Variants in LARGE1 observed in about 807,000 individuals in gnomAD.
LARGE1 encodes the protein LARGE xylosyl- and glucuronyltransferase 1.
Under a neutral mutation model 87.6 loss-of-function variants are expected in LARGE1, and 43 were observed. The ratio of observed to expected loss-of-function variants is 0.49; its 90% CI spans 0.38 to 0.63. The LOEUF (loss-of-function observed/expected upper bound fraction) is 0.63. Among genes scored for constraint, LARGE1 ranks in the 30% least tolerant of loss-of-function variants. The pLI is 0.00. For missense variants in LARGE1, 802 were observed against 1,000.2 expected (o/e 0.80, Z 2.67); for synonymous variants, 434 against 394.6 (o/e 1.10, Z -1.18).
intron 4 of LARGE1, among the ~76,000 whole-genome samples, chr22:33,624,527 G>C (rs1202768911): frequency 1.3e-5 from 2 of 152,106 alleles, no homozygotes; most frequent in African/African-American, 4.8e-5. Flanking sequence ...GAAGGAGGGA[G>C]AAATGGGTAG....
intron 11 of LARGE1, among the ~76,000 whole-genome samples, chr22:33,266,104 G>A (rs1032365587): frequency 6.7e-6 from 1 of 149,184 alleles, no homozygotes; most frequent in African/African-American, 2.5e-5. Context: ...TTGAAAACAT[G>A]AGAATATAAG....
intron 2 of LARGE1, among the ~76,000 whole-genome samples, chr22:33,753,672 A>C (rs2084403762): frequency 6.6e-6 from 1 of 152,136 alleles, no homozygotes; most frequent in Non-Finnish European, 1.5e-5. Context: ...ATGACCTCTT[A>C]AAGGAGATGC....
At chr22:33,775,848 T>G (rs554366199) in intron 1 of LARGE1, among the ~76,000 whole-genome samples, 1 of 119,608 alleles carries the variant, frequency 8.4e-6, no homozygotes, top group African/African-American at 3.8e-5. Flanking sequence ...CAAGTCACTG[T>G]CTTAAAAAAA....
At chr22:33,120,403 TTTCTTTCC>T in the LARGE1 span, among the ~76,000 whole-genome samples, 18 of 95,958 alleles carry the variant, frequency 1.9e-4, no homozygotes, top group South Asian at 5.8e-4. Context: ...TCTTTCTTTC[TTTCTTTCC>T]TTCTTTCTTT....
At chr22:33,715,291 T>C (rs1053324917) in intron 2 of LARGE1, among the ~76,000 whole-genome samples, 4 of 152,186 alleles carry the variant, frequency 2.6e-5, no homozygotes, top group East Asian at 1.9e-4. Flanking sequence ...TGAATCTCTT[T>C]TGACCACCAA....
the LARGE1 span, among the ~76,000 whole-genome samples, chr22:33,087,720 C>G: frequency 6.6e-6 from 1 of 152,224 alleles, no homozygotes; most frequent in Non-Finnish European, 1.5e-5. Flanking sequence ...GGATCACCTG[C>G]GGCCAGGAGT....
chr22:33,137,043 G>A, the LARGE1 span: 1 of 152,112 alleles, frequency 6.6e-6, no homozygotes, highest in Non-Finnish European at 1.5e-5. Context: ...GCTTCTCGTT[G>A]GTTGTTTCTC....
intron 6 of LARGE1, among the ~76,000 whole-genome samples, chr22:33,543,438 C>T (rs1006584324): frequency 7.9e-5 from 12 of 152,106 alleles, no homozygotes; most frequent in Non-Finnish European, 1.0e-4. Flanking sequence ...AACTCATCCA[C>T]GCATCAAAAG....
At chr22:33,598,254 C>T (rs2079030347) in intron 5 of LARGE1, among the ~76,000 whole-genome samples, 1 of 152,180 alleles carries the variant, frequency 6.6e-6, no homozygotes, top group Non-Finnish European at 1.5e-5. Context: ...AGTTAGTTAA[C>T]TCCCCTATGC....
At chr22:33,428,437 C>T (rs1461679537) in intron 7 of LARGE1, among the ~76,000 whole-genome samples, 6 of 151,226 alleles carry the variant, frequency 4.0e-5, no homozygotes, top group Non-Finnish European at 8.9e-5. Context: ...CCTCAGCCTC[C>T]CGAGTAGCTG....
chr22:33,469,402 G>A (rs760092828), intron 6 of LARGE1, among the ~76,000 whole-genome samples: 1 of 152,144 alleles, frequency 6.6e-6, no homozygotes, highest in African/African-American at 2.4e-5. Flanking sequence ...GGAGCTGGAT[G>A]CCATTATCGT....
At chr22:33,451,132 T>C (rs1244861263) in intron 6 of LARGE1, among the ~76,000 whole-genome samples, 3 of 151,986 alleles carry the variant, frequency 2.0e-5, no homozygotes, top group Non-Finnish European at 4.4e-5. Flanking sequence ...TGGCATGGCG[T>C]TAAATCACCA....
intron 7 of LARGE1, among the ~76,000 whole-genome samples, chr22:33,417,684 G>A (rs1480918842): frequency 1.3e-5 from 2 of 152,152 alleles, no homozygotes; most frequent in Non-Finnish European, 2.9e-5. Context: ...GCCATCCAGG[G>A]CTCTTGCCCG....
At chr22:33,911,747 C>T (rs1465232882) in intron 1 of LARGE1, among the ~76,000 whole-genome samples, 3 of 152,222 alleles carry the variant, frequency 2.0e-5, no homozygotes, top group Non-Finnish European at 1.5e-5. Context: ...CGGTATTGTA[C>T]TCTCCTTGCC....
chr22:33,904,442 C>T (rs764702806), intron 1 of LARGE1, among the ~76,000 whole-genome samples: 6 of 152,220 alleles, frequency 3.9e-5, no homozygotes, highest in African/African-American at 7.2e-5. Context: ...GTATGAGCCA[C>T]CGCGCCTGGC....
At chr22:33,639,249 G>T (rs546538111) in intron 3 of LARGE1, among the ~76,000 whole-genome samples, 16 of 152,126 alleles carry the variant, frequency 1.1e-4, no homozygotes, top group Non-Finnish European at 2.1e-4. Flanking sequence ...AGAAAGGGAG[G>T]TTGGGTCAGC....
At chr22:33,790,504 C>T (rs545511140) in intron 1 of LARGE1, among the ~76,000 whole-genome samples, 1 of 152,246 alleles carries the variant, frequency 6.6e-6, no homozygotes, top group East Asian at 1.9e-4. Flanking sequence ...ATATTTTTAA[C>T]TCTAGAACTC....
At chr22:33,112,175 G>A in the LARGE1 span, among the ~76,000 whole-genome samples, 4 of 152,236 alleles carry the variant, frequency 2.6e-5, no homozygotes, top group Non-Finnish European at 4.4e-5. Flanking sequence ...AGCCCAGTTA[G>A]GAGGCTGATG....
rs564598385 is a variant in LARGE1, at chr22:33,457,067, T to C, written c.788-24802A>G. On this transcript the variant is annotated intron_variant, in intron 6 of 14. Transcript: ENST00000397394. ...GTCACTTGTATAGCATCACTGAAGA[T>C]GTAAGGACAAACATACTTAAGAATG... is the stretch of plus-strand genomic sequence containing the variant. Among the ~76,000 whole-genome samples the C allele has an allele frequency of 1.9e-3, 283 of 152,332 alleles. 1 individual carries two copies. The highest frequency in any genetic ancestry group is 3.3e-3 in the Non-Finnish European group (225 of 68,032).
Sources: gnomAD v4.1 joint callset for allele counts (sites outside exome capture counted in the v4.1 genomes callset) on GRCh38, gnomAD v4.1.1 for gene constraint, MANE v1.5 for transcripts, NCBI Gene and HGNC (gene_info 2026-07-23, HGNC 2026-07-21) for gene names.